The following RNF4 variants were observed in gnomAD, a reference collection of about 807,000 sequenced individuals.
The protein encoded by RNF4 is ring finger protein 4.
A neutral mutation model predicts 24.3 loss-of-function variants in RNF4; 7 were observed. The observed-to-expected ratio is 0.29, with a 90% CI of 0.16 to 0.54. The LOEUF (loss-of-function observed/expected upper bound fraction) is 0.54. Ranked by LOEUF, RNF4 falls within the 20% of genes least tolerant of loss-of-function variation. RNF4 has a pLI of 0.95. For missense variants in RNF4, 209 were observed against 248.5 expected (o/e 0.84, Z 1.07); for synonymous variants, 83 against 84.3 (o/e 0.98, Z 0.09).
intron 1 of RNF4, among the ~76,000 whole-genome samples, chr4:2,484,760 G>A (rs1319391458): frequency 3.9e-5 from 6 of 151,976 alleles, no homozygotes; most frequent in African/African-American, 7.3e-5. Context: ...CTTCCATCCC[G>A]TCAGTCACCT....
intron 4 of RNF4, chr4:2,505,062 C>T (rs1178365068): frequency 3.9e-5 from 6 of 151,938 alleles, no homozygotes; most frequent in South Asian, 2.1e-4. Context: ...ATGCAACTTT[C>T]GTATATAAAC....
At position 2,513,147 on chromosome 4, in the gene RNF4, T is replaced by C; in HGVS notation, c.423+16T>C. On this transcript the variant is annotated intron_variant, in intron 7 of 7. Transcript: ENST00000314289. The stretch of plus-strand genomic sequence containing the variant: ...ATACTCAGAGGTAAGTAAACCAAGC[T>C]GTATCTTCCAGGCTTCTGGTTTCTA... 1 of 1,611,800 alleles carries C rather than the reference T, an allele frequency of 6.2e-7. No homozygotes were observed. Among genetic ancestry groups the C allele is most frequent in the Middle Eastern group, 1.7e-4 (1 of 6,056 alleles).
At chr4:2,473,343 C>T (rs1037269376) in intron 1 of RNF4, among the ~76,000 whole-genome samples, 4 of 151,994 alleles carry the variant, frequency 2.6e-5, no homozygotes, top group Admixed American at 6.6e-5. Context: ...GAGATTGTGC[C>T]TCTGCACTAC....
At chr4:2,483,974 C>T (rs1357598378) in intron 1 of RNF4, among the ~76,000 whole-genome samples, 2 of 148,662 alleles carry the variant, frequency 1.3e-5, no homozygotes, top group Non-Finnish European at 3.0e-5. Context: ...TTACAGGCGC[C>T]CACCACCACA....
chr4:2,499,860 TAA>T (rs1735854892), intron 3 of RNF4, among the ~76,000 whole-genome samples: 1 of 152,100 alleles, frequency 6.6e-6, no homozygotes, highest in Admixed American at 6.6e-5. Context: ...AAATGGAAAT[TAA>T]AAGTTTGTCC....
intron 4 of RNF4, among the ~76,000 whole-genome samples, chr4:2,507,442 G>C (rs924634461): frequency 2.6e-5 from 4 of 152,224 alleles, no homozygotes; most frequent in African/African-American, 9.7e-5. Context: ...CAAGTAACAG[G>C]CATCAGTAAC....
chr4:2,478,263 G>A (rs1735138958), intron 1 of RNF4, among the ~76,000 whole-genome samples: 1 of 152,232 alleles, frequency 6.6e-6, no homozygotes, highest in South Asian at 2.1e-4. Context: ...GAGCATAAAA[G>A]TTTGGAAAAT....
chr4:2,477,254 C>T (rs112934235), intron 1 of RNF4, among the ~76,000 whole-genome samples: 84 of 152,246 alleles, frequency 5.5e-4, no homozygotes, highest in Non-Finnish European at 1.1e-3. Context: ...GCAGGTCTTT[C>T]CCATGCTGTT....
intron 1 of RNF4, among the ~76,000 whole-genome samples, chr4:2,478,505 C>A (rs918743657): frequency 2.0e-5 from 3 of 152,228 alleles, no homozygotes; most frequent in African/African-American, 7.2e-5. Context: ...GGTTCCCCTG[C>A]TGTGTGCAGC....
chr4:2,491,889 G>A (rs1320734359), intron 2 of RNF4, among the ~76,000 whole-genome samples: 3 of 151,124 alleles, frequency 2.0e-5, no homozygotes, highest in South Asian at 4.2e-4. Context: ...ATGCACCACC[G>A]CACCTGGCCA....
chr4:2,497,168 G>A (rs767883394), intron 3 of RNF4, 47 bp downstream of exon 3: 7 of 1,428,964 alleles, frequency 4.9e-6, no homozygotes, highest in South Asian at 3.7e-5. Context: ...AAAGTGGAGA[G>A]AGAACACTGT....
intron 4 of RNF4, among the ~76,000 whole-genome samples, chr4:2,504,726 A>ATTTTTTTTTTTTTTTTT (rs1182588172): frequency 4.3e-4 from 26 of 61,116 alleles, no homozygotes; most frequent in East Asian, 1.4e-3. Flanking sequence ...CATTTTTTGT[A>ATTTTTTTTTTTTTTTTT]TTTTTTTTTT....
chr4:2,501,560 A>G, intron 4 of RNF4, among the ~76,000 whole-genome samples: 1 of 152,128 alleles, frequency 6.6e-6, no homozygotes. Flanking sequence ...TTTCTGATAG[A>G]CCTGTTTCAT....
At chr4:2,472,999 C>CA (rs1170382081) in intron 1 of RNF4, among the ~76,000 whole-genome samples, 1 of 151,710 alleles carries the variant, frequency 6.6e-6, no homozygotes, top group African/African-American at 2.4e-5. Context: ...AAGATAGCAC[C>CA]ACTGCACTCC....
intron 1 of RNF4, chr4:2,481,336 C>T (rs1017809995): frequency 1.4e-4 from 22 of 152,090 alleles, no homozygotes; most frequent in African/African-American, 5.3e-4. Flanking sequence ...TGCCCTAATT[C>T]CATTTTTCCT....
rs563778478 is a variant in RNF4, at chr4:2,481,621, G to C, written c.-157-8716G>C. On this transcript the variant is annotated intron_variant, in intron 1 of 7. Transcript: ENST00000314289. ...GGACCTCCTCCTCCTGCTCTCTTCT[G>C]CCTTTCTGTCTCCTTCAGAGCATTC... Among the ~76,000 whole-genome samples, 17 of 152,228 alleles carry C rather than the reference G, an allele frequency of 1.1e-4. 1 individual carries two copies. The South Asian group carries it at 3.1e-3, about 28-fold the overall frequency.
chr4:2,495,644 G>T (rs1735712212), intron 2 of RNF4, among the ~76,000 whole-genome samples: 1 of 148,666 alleles, frequency 6.7e-6, no homozygotes, highest in African/African-American at 2.5e-5. Context: ...TTTTTTGGGG[G>T]GGGGTGAGAT....
chr4:2,479,151 C>G (rs1053043483), intron 1 of RNF4, among the ~76,000 whole-genome samples: 3 of 152,212 alleles, frequency 2.0e-5, no homozygotes, highest in Non-Finnish European at 2.9e-5. Context: ...TTGTTTTGGC[C>G]AATTTCTCCC....
chr4:2,497,176 T>C, intron 3 of RNF4, 55 bp downstream of exon 3: 1 of 1,339,956 alleles, frequency 7.5e-7, no homozygotes. Flanking sequence ...GAGAGAACAC[T>C]GTACCAGGGT....
Sources: gnomAD v4.1 joint callset for allele counts (sites outside exome capture counted in the v4.1 genomes callset) on GRCh38, gnomAD v4.1.1 for gene constraint, MANE v1.5 for transcripts, NCBI Gene and HGNC (gene_info 2026-07-23, HGNC 2026-07-21) for gene names.